Variants in OOEP observed in about 807,000 individuals in gnomAD.
The protein encoded by OOEP is oocyte expressed protein, also known as oocyte-expressed protein homolog.
OOEP carries 16 observed loss-of-function variants against 13.7 expected under a neutral mutation model. The observed-to-expected ratio is 1.16, with a 90% CI of 0.79 to 1.77. OOEP has a LOEUF of 1.77. OOEP is among the 40% of genes most tolerant of loss of function. The pLI, the probability that OOEP is intolerant of heterozygous loss-of-function variation, is 0.00. For synonymous variants in OOEP, 89 were observed against 77.1 expected, an observed-to-expected ratio of 1.15 and a Z score of -0.81; for missense variants, 195 against 193.1, an observed-to-expected ratio of 1.01 and a Z score of -0.06.
chr6:73,381,749 G>A (rs1769211389), intron 2 of OOEP, among the ~76,000 whole-genome samples: 1 of 152,108 alleles, frequency 6.6e-6, no homozygotes, highest in Non-Finnish European at 1.5e-5. Flanking sequence ...GGAAGGCTGA[G>A]GTGGGTGGAT....
Position 73,383,178 on chromosome 6 carries a change from G to A in OOEP, c.25+11168C>T, listed in dbSNP as rs544495533. On this transcript the variant is annotated intron_variant, in intron 2 of 3. Transcript: ENST00000370363. ...AAGAAACCATCTATACAAGCAGTTC[G>A]CCTAAAAGATTTCTTAGGGCCGGTA... Among the ~76,000 whole-genome samples, 4 of 152,154 alleles carry A rather than the reference G, an allele frequency of 2.6e-5. No homozygotes were observed. In the East Asian group the frequency reaches 7.7e-4, roughly 29 times the overall value.
rs57494717 is a variant in OOEP at position 73,376,473 on chromosome 6, T to TTTTATTTATTTA, written c.26-7100_26-7089dup. Among the ~76,000 whole-genome samples the TTTTATTTATTTA allele has an allele frequency of 4.4e-3, 663 of 149,012 alleles. 5 individuals carry two copies. Among genetic ancestry groups the TTTTATTTATTTA allele is most frequent in the African/African-American group, 0.014 (563 of 40,436 alleles). ...ATACATACAGCCCAACGAAACATGATTTTATTTATTTATTTATTTATTTGA... is the reference window on the plus strand; with the variant it reads ...ATACATACAGCCCAACGAAACATGATTTTATTTATTTATTTATTTATTTATTTATTTATTTGA... On this transcript the variant is annotated intron_variant, in intron 2 of 3. Transcript: ENST00000370363.
At chr6:73,375,556 G>A (rs1391032480) in intron 2 of OOEP, among the ~76,000 whole-genome samples, 1 of 148,566 alleles carries the variant, frequency 6.7e-6, no homozygotes, top group Non-Finnish European at 1.5e-5. Context: ...CTCCAGCCTG[G>A]ACTCTCTTTT....
chr6:73,369,516 CT>C, intron 1 of OOEP, 86 bp downstream of exon 1: 1 of 1,519,184 alleles, frequency 6.6e-7, no homozygotes, highest in Non-Finnish European at 9.0e-7. Context: ...GCTTGCGAAT[CT>C]GGGAAAGAGA....
At chr6:73,386,899 C>T (rs966821192) in intron 2 of OOEP, among the ~76,000 whole-genome samples, 4 of 132,330 alleles carry the variant, frequency 3.0e-5, no homozygotes, top group East Asian at 2.7e-4. Context: ...ACCCGGGAGG[C>T]GGAGGTTGCA....
intron 2 of OOEP, among the ~76,000 whole-genome samples, chr6:73,386,299 G>C (rs1769271531): frequency 6.6e-6 from 1 of 151,614 alleles, no homozygotes; most frequent in Admixed American, 6.6e-5. Flanking sequence ...TCTCCATGTT[G>C]ATCAGGCTGT....
exon 1 of OOEP, chr6:73,394,910 C>T: frequency 1.9e-6 from 3 of 1,614,100 alleles, no homozygotes; most frequent in Non-Finnish European, 1.7e-6. Context: ...GGAACAATGT[C>T]CCACCACGGA....
At chr6:73,380,891 G>A (rs928656855) in intron 2 of OOEP, among the ~76,000 whole-genome samples, 3 of 152,152 alleles carry the variant, frequency 2.0e-5, no homozygotes, top group Non-Finnish European at 2.9e-5. Flanking sequence ...GCTCACGCTT[G>A]TAATCCCAGC....
rs373229364 is a variant in OOEP at position 73,389,117 on chromosome 6, C to A, written c.25+5229G>T. Among the ~76,000 whole-genome samples the A allele has an allele frequency of 2.2e-3, 342 of 152,328 alleles. 5 individuals carry two copies. Among genetic ancestry groups the A allele is most frequent in the African/African-American group, 7.9e-3 (327 of 41,578 alleles). On this transcript the variant is annotated intron_variant, in intron 2 of 3. Transcript: ENST00000370363. ...GACGGCAGGCCACTTAGCACCAATG[C>A]AGACCCGGGAGCTTTGAGGAAGCCA...
At chr6:73,393,515 C>A (rs1168805802) in intron 2 of OOEP, among the ~76,000 whole-genome samples, 2 of 152,222 alleles carry the variant, frequency 1.3e-5, no homozygotes, top group East Asian at 3.8e-4. Flanking sequence ...GGTAATGCTT[C>A]AGGAATCTAT....
At chr6:73,377,710 T>G (rs1471981915) in intron 2 of OOEP, among the ~76,000 whole-genome samples, 4 of 152,184 alleles carry the variant, frequency 2.6e-5, no homozygotes, top group African/African-American at 9.6e-5. Context: ...CTCTGTCACC[T>G]AGACGGGAGT....
At chr6:73,380,490 G>A (rs765801585) in intron 2 of OOEP, among the ~76,000 whole-genome samples, 1 of 151,906 alleles carries the variant, frequency 6.6e-6, no homozygotes, top group East Asian at 1.9e-4. Context: ...GATAAATTGC[G>A]GCAGATCCAT....
At chr6:73,388,715 A>C in intron 2 of OOEP, among the ~76,000 whole-genome samples, 1 of 152,220 alleles carries the variant, frequency 6.6e-6, no homozygotes, top group Non-Finnish European at 1.5e-5. Context: ...ACCCACATCC[A>C]TCTCACAGGA....
At chr6:73,375,303 G>A (rs943978562) in intron 2 of OOEP, among the ~76,000 whole-genome samples, 3 of 152,140 alleles carry the variant, frequency 2.0e-5, no homozygotes, top group African/African-American at 7.2e-5. Context: ...AGATTAGTGA[G>A]CCTAGAGGGA....
At chr6:73,386,226 C>T (rs987203248) in intron 2 of OOEP, among the ~76,000 whole-genome samples, 4 of 151,842 alleles carry the variant, frequency 2.6e-5, no homozygotes, top group African/African-American at 9.7e-5. Context: ...GCCTGAGTAG[C>T]GGGGATTACA....
At chr6:73,369,969 A>AT, upstream of OOEP, 1 of 602,608 alleles carries the variant, frequency 1.7e-6, no homozygotes, top group Non-Finnish European at 3.0e-6. Flanking sequence ...TAGCGGCACC[A>AT]TTGGACACTT....
At chr6:73,394,785 C>T in exon 1 of OOEP, 4 of 1,431,838 alleles carry the variant, frequency 2.8e-6, no homozygotes, top group Non-Finnish European at 2.8e-6. Flanking sequence ...GGGGGCTAGC[C>T]TCGTGCGGGC....
chr6:73,384,536 A>T (rs1278537861), intron 2 of OOEP, among the ~76,000 whole-genome samples: 1 of 152,158 alleles, frequency 6.6e-6, no homozygotes, highest in Non-Finnish European at 1.5e-5. Context: ...AATCTTAAAT[A>T]AAAAATGAGC....
chr6:73,385,478 T>C (rs1420216313), intron 2 of OOEP, among the ~76,000 whole-genome samples: 1 of 152,030 alleles, frequency 6.6e-6, no homozygotes, highest in Non-Finnish European at 1.5e-5. Context: ...GCCATATTAA[T>C]AGAATAAAGG....
Sources: allele counts gnomAD v4.1 joint callset (sites outside exome capture counted in the v4.1 genomes callset), GRCh38; gene constraint gnomAD v4.1.1; transcripts MANE v1.5; gene names NCBI Gene and HGNC (gene_info 2026-07-23, HGNC 2026-07-21).